The following PGPEP1L variants were observed in gnomAD, a reference collection of about 807,000 sequenced individuals.
PGPEP1L encodes the protein pyroglutamyl-peptidase 1-like protein.
In PGPEP1L, 7 loss-of-function variants were observed where a neutral mutation model predicts 6.0. The ratio of observed to expected loss-of-function variants is 1.17; its 90% CI spans 0.66 to 2.19. The LOEUF is 2.19. PGPEP1L is among the 30% of genes most tolerant of loss of function. The pLI is 0.00. For missense variants in PGPEP1L, 209 were observed against 192.5 expected (o/e 1.09, Z -0.51); for synonymous variants, 103 against 83.9 (o/e 1.23, Z -1.24).
Position 98,969,747 on chromosome 15 carries a change from C to T in PGPEP1L, c.-18-96G>A. The T allele has an allele frequency of 2.3e-6, 3 of 1,314,134 alleles. No homozygotes were observed. In the South Asian group the frequency reaches 3.7e-5, roughly 16 times the overall value. 81.4% of individuals were successfully genotyped at this position (1,314,134 alleles called of 1,614,324 possible). On this transcript the variant is annotated intron_variant, in intron 3 of 4. Coordinates refer to ENST00000535714, the MANE Select transcript of PGPEP1L (RefSeq NM_001167902.2). ...GGGGCCACTCCTTTTGAGAGCCCGG[C>T]TCTGTGCAAAACATCTCAAACCCCA...
At chr15:98,981,285 G>T (rs897697200) in intron 2 of PGPEP1L, among the ~76,000 whole-genome samples, 1 of 152,060 alleles carries the variant, frequency 6.6e-6, no homozygotes, top group East Asian at 1.9e-4. Flanking sequence ...GAGGTCAGGA[G>T]ATCCAGACCA....
intron 2 of PGPEP1L, among the ~76,000 whole-genome samples, 164 bp from the exon 3 acceptor site, chr15:98,971,322 G>C (rs2017493944): frequency 6.6e-6 from 1 of 151,862 alleles, no homozygotes; most frequent in African/African-American, 2.4e-5. Context: ...GCCAAGAAGA[G>C]AGCCACAGTT....
chr15:98,971,193 ATGGGGGGG>A (rs777960407), intron 2 of PGPEP1L, 35 bp from the exon 3 acceptor site: 3 of 400,426 alleles, frequency 7.5e-6, no homozygotes, highest in Non-Finnish European at 7.1e-6. Context: ...GCCTCAGTTG[ATGGGGGGG>A]GGGGGGGGGT....
chr15:99,000,745 G>T (rs2017954927), intron 2 of PGPEP1L, among the ~76,000 whole-genome samples: 1 of 151,922 alleles, frequency 6.6e-6, no homozygotes, highest in Admixed American at 6.6e-5. Flanking sequence ...CTGTCAAAAT[G>T]GACCAATCAG....
Position 98,989,630 on chromosome 15 carries a change from A to C in PGPEP1L, c.-142+15799T>G, listed in dbSNP as rs527744096. Among the ~76,000 whole-genome samples the C allele has an allele frequency of 2.6e-4, 40 of 152,248 alleles. 1 individual carries two copies. In the South Asian group the frequency reaches 3.7e-3, roughly 14 times the overall value. ...CATTCAAATTCAGAAAATATAGAGA[A>C]CACCACAAAGATACTCCTTGAGAAG... is the stretch of plus-strand genomic sequence containing the variant. On this transcript the variant is annotated intron_variant, in intron 2 of 4. Transcript: ENST00000535714.
chr15:98,988,044 C>A (rs1172339047), intron 2 of PGPEP1L, among the ~76,000 whole-genome samples: 1 of 152,214 alleles, frequency 6.6e-6, no homozygotes, highest in Non-Finnish European at 1.5e-5. Flanking sequence ...GGGTTTCAAG[C>A]TCAAAACTGG....
intron 2 of PGPEP1L, among the ~76,000 whole-genome samples, chr15:99,001,908 G>A (rs1432628616): frequency 6.6e-6 from 1 of 152,088 alleles, no homozygotes; most frequent in Admixed American, 6.5e-5. Context: ...AGTAGAGATG[G>A]GGTTTCACTA....
rs555763795 is a variant in PGPEP1L at position 98,992,651 on chromosome 15, C to CA, written c.-142+12777dup. On this transcript the variant is annotated intron_variant, in intron 2 of 4. Coordinates refer to ENST00000535714, the MANE Select transcript of PGPEP1L (RefSeq NM_001167902.2). ...CCTGCATAGCCAAGACAATCCTAAGCAAAAAGATCAAAGCTGGAGGCATCA... is the reference window on the plus strand; with the variant it reads ...CCTGCATAGCCAAGACAATCCTAAGCAAAAAAGATCAAAGCTGGAGGCATCA... Among the ~76,000 whole-genome samples the CA allele has an allele frequency of 6.6e-3, 1,007 of 152,242 alleles. 11 individuals carry two copies. Among genetic ancestry groups the CA allele is most frequent in the African/African-American group, 0.023 (960 of 41,522 alleles).
At chr15:98,971,729 C>T (rs1013733397) in intron 2 of PGPEP1L, among the ~76,000 whole-genome samples, 4 of 152,130 alleles carry the variant, frequency 2.6e-5, no homozygotes, top group Non-Finnish European at 5.9e-5. Context: ...CTCACTGGCA[C>T]AAGTAAGAAA....
intron 2 of PGPEP1L, among the ~76,000 whole-genome samples, chr15:98,982,499 G>GA (rs1471663985): frequency 6.6e-6 from 1 of 152,010 alleles, no homozygotes; most frequent in Non-Finnish European, 1.5e-5. Context: ...TCACCAGACT[G>GA]AAAAAAGGAG....
chr15:98,976,563 T>A (rs1399894073), intron 2 of PGPEP1L, among the ~76,000 whole-genome samples: 1 of 152,158 alleles, frequency 6.6e-6, no homozygotes, highest in African/African-American at 2.4e-5. Context: ...TGAAGAGAAA[T>A]CATTATGGAT....
chr15:99,005,662 G>C lies in PGPEP1L; in HGVS notation c.-369-6C>G, dbSNP rs190798931. 1.4e-4 allele frequency: 22 copies of C among 152,430 alleles called. No individual in the cohort carries two copies. The highest frequency in any genetic ancestry group is 5.3e-4 in the African/African-American group (22 of 41,598). 9.4% of individuals were successfully genotyped at this position (152,430 alleles called of 1,614,324 possible). A position where few individuals can be genotyped will look rare whatever the true frequency, so the allele number is the denominator to read the frequency against. ...GGCCCCGAAAGGCCAAGGATCTAGG[G>C]GAGGGTGATAAAGCAATGCCCCTTG... On this transcript the variant is annotated splice_region_variant and splice_polypyrimidine_tract_variant and intron_variant, in intron 1 of 4. Transcript: ENST00000535714.
chr15:98,970,931 C>G (rs972316268), intron 3 of PGPEP1L, 105 bp downstream of exon 3: 1 of 1,503,230 alleles, frequency 6.7e-7, no homozygotes, highest in East Asian at 2.3e-5. Context: ...GGCCTGGGGA[C>G]GGGGTGCCCC....
intron 2 of PGPEP1L, among the ~76,000 whole-genome samples, chr15:98,983,466 C>T (rs1485010653): frequency 1.3e-5 from 2 of 152,198 alleles, no homozygotes; most frequent in African/African-American, 2.4e-5. Context: ...AGTGCAGTTA[C>T]GTAATGTCTT....
chr15:99,000,170 G>A (rs2017942698), intron 2 of PGPEP1L, among the ~76,000 whole-genome samples: 1 of 152,244 alleles, frequency 6.6e-6, no homozygotes, highest in Admixed American at 6.5e-5. Context: ...CCGGCCCCAG[G>A]CAGTGAGGGG....
intron 2 of PGPEP1L, among the ~76,000 whole-genome samples, chr15:98,997,502 G>C (rs541124774): frequency 1.8e-4 from 27 of 152,284 alleles, no homozygotes; most frequent in African/African-American, 6.3e-4. Flanking sequence ...TGGGGACAGA[G>C]AGCAGACAAG....
chr15:98,984,812 G>A (rs994314466), intron 2 of PGPEP1L, among the ~76,000 whole-genome samples: 1 of 152,130 alleles, frequency 6.6e-6, no homozygotes, highest in Non-Finnish European at 1.5e-5. Flanking sequence ...AGGTTGCAAT[G>A]AACTCTGCCC....
intron 2 of PGPEP1L, among the ~76,000 whole-genome samples, chr15:98,977,724 T>C (rs933318330): frequency 6.6e-6 from 1 of 152,216 alleles, no homozygotes; most frequent in East Asian, 1.9e-4. Context: ...GTCTGCTGTA[T>C]CCTTTTTGGT....
intron 2 of PGPEP1L, among the ~76,000 whole-genome samples, chr15:98,981,120 A>C (rs141250492): frequency 9.2e-5 from 14 of 152,240 alleles, no homozygotes; most frequent in Admixed American, 2.0e-4. Flanking sequence ...TCATGAGAAA[A>C]GCAGCAGAAA....
Sources: gnomAD v4.1 joint callset for allele counts (sites outside exome capture counted in the v4.1 genomes callset) on GRCh38, gnomAD v4.1.1 for gene constraint, MANE v1.5 for transcripts, NCBI Gene and HGNC (gene_info 2026-07-23, HGNC 2026-07-21) for gene names.